PCDHGB2: variants seen among roughly 807,000 people sequenced by gnomAD.
PCDHGB2 encodes the protein protocadherin gamma-B2.
PCDHGB2 carries 55 observed loss-of-function variants against 59.3 expected under a neutral mutation model. The observed-to-expected ratio is 0.93, with a 90% CI of 0.75 to 1.16. The LOEUF is 1.16. Among genes scored for constraint, PCDHGB2 ranks in the 50% most tolerant of loss-of-function variants. The pLI, the probability that PCDHGB2 is intolerant of heterozygous loss-of-function variation, is 0.00. For synonymous variants in PCDHGB2, 516 were observed against 512.0 expected, an observed-to-expected ratio of 1.01 and a Z score of -0.11; for missense variants, 1,228 against 1,198.5, an observed-to-expected ratio of 1.02 and a Z score of -0.36.
At chr5:141,389,141 C>T (rs919430175) in intron 1 of PCDHGB2, 1 of 1,613,996 alleles carries the variant, frequency 6.2e-7, no homozygotes, top group Non-Finnish European at 8.5e-7. Flanking sequence ...ACAATATAAC[C>T]GTTACGGCAA....
At chr5:141,409,919 G>A in intron 1 of PCDHGB2, 1 of 1,613,346 alleles carries the variant, frequency 6.2e-7, no homozygotes, top group Non-Finnish European at 8.5e-7. Flanking sequence ...TGACGGCTCC[G>A]CGTTCTTCGA....
chr5:141,403,964 G>T (rs1279237991), intron 1 of PCDHGB2: 1 of 1,613,704 alleles, frequency 6.2e-7, no homozygotes, highest in Non-Finnish European at 8.5e-7. Context: ...CATTTCGGTG[G>T]AAGATGTAAA....
At chr5:141,403,054 A>C in intron 1 of PCDHGB2, 1 of 1,614,062 alleles carries the variant, frequency 6.2e-7, no homozygotes, top group Middle Eastern at 1.6e-4. Flanking sequence ...TTCGCTACTC[A>C]GTGCCTGAAG....
At chr5:141,413,025 A>G in intron 1 of PCDHGB2, 1 of 740,544 alleles carries the variant, frequency 1.4e-6, no homozygotes, top group Non-Finnish European at 2.1e-6. Context: ...CAAGCCCCAC[A>G]AACCGGCTGC....
chr5:141,375,640 C>T (rs1375647493), intron 1 of PCDHGB2: 1 of 1,614,226 alleles, frequency 6.2e-7, no homozygotes, highest in Non-Finnish European at 8.5e-7. Flanking sequence ...CCCTGCGCTC[C>T]TTCGACTATG....
chr5:141,410,841 G>GT, intron 1 of PCDHGB2: 1 of 214,604 alleles, frequency 4.7e-6, no homozygotes, highest in Non-Finnish European at 7.8e-6. Context: ...AAGATATTTT[G>GT]TCTTTGTCTT....
intron 1 of PCDHGB2, among the ~76,000 whole-genome samples, chr5:141,482,104 A>T (rs11748215): frequency 0.23 from 34,477 of 150,324 alleles, 4,798 homozygotes; most frequent in African/African-American, 0.39. Context: ...AAAAAAAAAA[A>T]ATATCTAGAG....
intron 1 of PCDHGB2, chr5:141,414,540 C>A (rs1158346953): frequency 1.2e-5 from 19 of 1,613,948 alleles, no homozygotes; most frequent in Non-Finnish European, 1.5e-5. Context: ...ACCCACCTAC[C>A]TTCTCTCAAG....
At position 141,360,011 on chromosome 5, in the gene PCDHGB2, A is replaced by G; in HGVS notation, c.-125A>G. 8.1e-7 allele frequency: 1 copy of G among 1,240,974 alleles called. No homozygotes were observed. The highest frequency in any genetic ancestry group is 1.1e-6 in the Non-Finnish European group (1 of 925,826). 76.9% of individuals were successfully genotyped at this position (1,240,974 alleles called of 1,614,324 possible). A position where few individuals can be genotyped will look rare whatever the true frequency, so the allele number is the denominator to read the frequency against. On this transcript the variant is annotated 5_prime_UTR_variant, in exon 1 of 4. Coordinates refer to ENST00000522605, the MANE Select transcript of PCDHGB2 (RefSeq NM_018923.3). ...GGAACTTCCTGCACAAACCAACCAC[A>G]CAGAGAAGGCCAGTATAGATTCGGA...
intron 1 of PCDHGB2, chr5:141,421,587 G>A: frequency 1.2e-6 from 2 of 1,613,900 alleles, no homozygotes; most frequent in South Asian, 1.1e-5. Context: ...TTTACGGAGT[G>A]GAGGTGGAAA....
intron 1 of PCDHGB2, chr5:141,382,918 G>T: frequency 2.6e-6 from 4 of 1,558,926 alleles, no homozygotes; most frequent in Non-Finnish European, 3.5e-6. Context: ...TCAGCCGAGG[G>T]GCGGGGACTA....
intron 1 of PCDHGB2, chr5:141,388,735 C>A: frequency 6.2e-7 from 1 of 1,613,974 alleles, no homozygotes; most frequent in East Asian, 2.2e-5. Context: ...TTCAGTGAAG[C>A]TAGCCAGATC....
intron 1 of PCDHGB2, chr5:141,408,313 T>G (rs375849626): frequency 6.2e-7 from 1 of 1,613,758 alleles, no homozygotes; most frequent in African/African-American, 1.3e-5. Flanking sequence ...GCTACTCGAT[T>G]CCGGAGGAGC....
chr5:141,388,374 A>G (rs1169150224), intron 1 of PCDHGB2: 1 of 1,614,020 alleles, frequency 6.2e-7, no homozygotes, highest in South Asian at 1.1e-5. Flanking sequence ...GGATATTGGT[A>G]GCAACACACT....
chr5:141,405,273 A>G (rs762280864), intron 1 of PCDHGB2: 5 of 1,613,974 alleles, frequency 3.1e-6, no homozygotes, highest in African/African-American at 2.7e-5. Context: ...CCCCAGCCCA[A>G]CTATGCAGAC....
chr5:141,374,504 A>G (rs370470847), intron 1 of PCDHGB2: 1 of 1,611,510 alleles, frequency 6.2e-7, no homozygotes, highest in African/African-American at 1.3e-5. Context: ...ATTGGAAGTG[A>G]AAATTCTCGA....
rs755602367 is a variant in PCDHGB2, at chr5:141,415,231, G to A, written c.2421+52675G>A. ...GGACCTCGGCAGCTTCGAGTCTCCA[G>A]CTAACTCTGAAACCTCAGACCTCAC... On this transcript the variant is annotated intron_variant, in intron 1 of 3. Transcript: ENST00000522605. 2.1e-5 allele frequency: 34 copies of A among 1,614,042 alleles called. No homozygotes were observed. The South Asian group carries it at 3.2e-4, about 15-fold the overall frequency.
chr5:141,394,508 C>A (rs776107587), intron 1 of PCDHGB2: 3 of 1,614,104 alleles, frequency 1.9e-6, no homozygotes, highest in Non-Finnish European at 2.5e-6. Context: ...TCCTGTACCC[C>A]GCCCTCCCCA....
intron 1 of PCDHGB2, chr5:141,374,823 A>G (rs1770865404): frequency 1.2e-6 from 2 of 1,613,952 alleles, no homozygotes; most frequent in African/African-American, 1.3e-5. Context: ...CAGCCTGTCT[A>G]CCGTGTAAGT....
Sources: allele counts gnomAD v4.1 joint callset (sites outside exome capture counted in the v4.1 genomes callset), GRCh38; gene constraint gnomAD v4.1.1; transcripts MANE v1.5; gene names NCBI Gene and HGNC (gene_info 2026-07-23, HGNC 2026-07-21).